Variants in TAFA2 observed in about 807,000 individuals in gnomAD.
The protein encoded by TAFA2 is TAFA chemokine like family member 2, also known as chemokine-like protein TAFA-2.
TAFA2 carries 7 observed loss-of-function variants against 18.8 expected under a neutral mutation model. That is an observed-to-expected ratio of 0.37 (90% CI 0.21 to 0.70). The LOEUF is 0.70. Among genes scored for constraint, TAFA2 ranks in the 30% least tolerant of loss-of-function variants. The pLI is 0.53. For missense variants in TAFA2, 122 were observed against 158.1 expected, an observed-to-expected ratio of 0.77 and a Z score of 1.23; for synonymous variants, 60 against 54.2, an observed-to-expected ratio of 1.11 and a Z score of -0.47.
At chr12:61,871,866 G>A (rs907403618) in intron 1 of TAFA2, among the ~76,000 whole-genome samples, 2 of 152,164 alleles carry the variant, frequency 1.3e-5, no homozygotes, top group South Asian at 2.1e-4. Context: ...GCCGAGGTGG[G>A]TGGATCACAA....
chr12:62,186,252 T>C (rs1265759183), intron 1 of TAFA2, among the ~76,000 whole-genome samples: 3 of 152,170 alleles, frequency 2.0e-5, no homozygotes, highest in South Asian at 2.1e-4. Context: ...GCATGACCTT[T>C]AAAGGGCAAC....
chr12:61,806,169 T>C (rs1871601886), intron 2 of TAFA2, among the ~76,000 whole-genome samples: 2 of 152,218 alleles, frequency 1.3e-5, no homozygotes, highest in South Asian at 4.1e-4. Flanking sequence ...TTGCATATGA[T>C]ATTGTTTGGC....
chr12:62,003,941 T>C (rs1376201054), intron 1 of TAFA2, among the ~76,000 whole-genome samples: 1 of 152,200 alleles, frequency 6.6e-6, no homozygotes, highest in South Asian at 2.1e-4. Context: ...GGAGAACGTT[T>C]CTAATTGACT....
chr12:62,210,319 T>C (rs977676551), intron 1 of TAFA2, among the ~76,000 whole-genome samples: 1 of 152,200 alleles, frequency 6.6e-6, no homozygotes, highest in Non-Finnish European at 1.5e-5. Flanking sequence ...TTTGACATAT[T>C]GTTGTGATTT....
rs532230227 is a variant in TAFA2, at chr12:62,110,927, CA to C, written c.-2+80331del. 4.0e-5 allele frequency among the ~76,000 whole-genome samples: 6 copies of C among 151,636 alleles called. No individual in the cohort carries two copies. The East Asian group carries it at 5.8e-4, about 15-fold the overall frequency. On this transcript the variant is annotated intron_variant, in intron 1 of 4. Transcript: ENST00000416284. ...TAGCAGTCTATTTTGTTAATCTTTT[CA>C]AAAAAACAGCTTCTGGATTCATTGA...
At chr12:61,795,640 G>A (rs1174849333) in intron 2 of TAFA2, among the ~76,000 whole-genome samples, 1 of 151,766 alleles carries the variant, frequency 6.6e-6, no homozygotes, top group Non-Finnish European at 1.5e-5. Flanking sequence ...ACGAGTTAAT[G>A]GGTGCAGCAC....
At chr12:61,976,448 T>C (rs7309748) in intron 1 of TAFA2, among the ~76,000 whole-genome samples, 38,206 of 151,862 alleles carry the variant, frequency 0.25, 5,100 homozygotes, top group South Asian at 0.43. Context: ...TAATGAACTC[T>C]CCTAACAAAT....
At chr12:61,918,199 C>T (rs964256124) in intron 1 of TAFA2, among the ~76,000 whole-genome samples, 2 of 152,010 alleles carry the variant, frequency 1.3e-5, no homozygotes, top group Admixed American at 1.3e-4. Context: ...TTAAAATGAA[C>T]AATTAAATTA....
At chr12:62,048,955 G>C (rs148058379) in intron 1 of TAFA2, among the ~76,000 whole-genome samples, 3 of 152,302 alleles carry the variant, frequency 2.0e-5, no homozygotes, top group Non-Finnish European at 4.4e-5. Flanking sequence ...GCCACACTAA[G>C]AGGCAGACTA....
At chr12:62,226,154 T>TA (rs1479799812) in intron 1 of TAFA2, among the ~76,000 whole-genome samples, 4 of 152,306 alleles carry the variant, frequency 2.6e-5, no homozygotes, top group Non-Finnish European at 5.9e-5. Flanking sequence ...TGTTGTGTTT[T>TA]AGGACTCCAG....
intron 1 of TAFA2, among the ~76,000 whole-genome samples, chr12:62,224,367 A>C (rs1023571144): frequency 6.6e-6 from 1 of 152,100 alleles, no homozygotes; most frequent in African/African-American, 2.4e-5. Context: ...AGGCTGAGAA[A>C]TCCAAGATCA....
intron 1 of TAFA2, among the ~76,000 whole-genome samples, chr12:62,243,739 A>C (rs1383563400): frequency 5.3e-5 from 8 of 152,234 alleles, no homozygotes. Flanking sequence ...CGAAAATGTC[A>C]TTGAACCATT....
intron 1 of TAFA2, among the ~76,000 whole-genome samples, chr12:62,018,471 A>G (rs1881012041): frequency 6.6e-6 from 1 of 152,182 alleles, no homozygotes; most frequent in Non-Finnish European, 1.5e-5. Context: ...ATTAATATAG[A>G]CCAATGGAGC....
At chr12:61,730,608 T>A (rs1197928076) in intron 4 of TAFA2, among the ~76,000 whole-genome samples, 1 of 151,926 alleles carries the variant, frequency 6.6e-6, no homozygotes, top group Non-Finnish European at 1.5e-5. Flanking sequence ...GGTATGGGGA[T>A]GTGGTTCTCA....
At chr12:62,078,130 T>C (rs1233420249) in intron 1 of TAFA2, among the ~76,000 whole-genome samples, 1 of 152,140 alleles carries the variant, frequency 6.6e-6, no homozygotes, top group East Asian at 1.9e-4. Context: ...GGGCCTCATA[T>C]GTCCGGGCAT....
intron 1 of TAFA2, among the ~76,000 whole-genome samples, chr12:62,120,838 T>C (rs969952745): frequency 6.6e-6 from 1 of 150,568 alleles, no homozygotes; most frequent in African/African-American, 2.4e-5. Flanking sequence ...TTATTATTAT[T>C]ATTATTATTT....
At chr12:61,916,450 G>T (rs1485181526) in intron 1 of TAFA2, among the ~76,000 whole-genome samples, 7 of 152,256 alleles carry the variant, frequency 4.6e-5, no homozygotes, top group Admixed American at 2.6e-4. Flanking sequence ...TACAGAAAAG[G>T]GTTGATAAAT....
At chr12:62,113,564 C>T (rs747022485) in intron 1 of TAFA2, among the ~76,000 whole-genome samples, 6 of 152,196 alleles carry the variant, frequency 3.9e-5, no homozygotes, top group East Asian at 1.9e-4. Context: ...CAGACAGGTA[C>T]GTTCAAGTCT....
intron 1 of TAFA2, among the ~76,000 whole-genome samples, chr12:62,048,539 C>G (rs1466135949): frequency 6.6e-6 from 1 of 152,130 alleles, no homozygotes; most frequent in Non-Finnish European, 1.5e-5. Context: ...TTAAAATCCT[C>G]ACTTAGCAGC....
Sources: gnomAD v4.1 joint callset for allele counts (sites outside exome capture counted in the v4.1 genomes callset) on GRCh38, gnomAD v4.1.1 for gene constraint, MANE v1.5 for transcripts, NCBI Gene and HGNC (gene_info 2026-07-23, HGNC 2026-07-21) for gene names.